The following NALF1 variants were observed in gnomAD, a reference collection of about 807,000 sequenced individuals.
The protein encoded by NALF1 is NALCN channel auxiliary factor 1.
NALF1 carries 3 observed loss-of-function variants against 48.4 expected under a neutral mutation model. The ratio of observed to expected loss-of-function variants is 0.06; its 90% CI spans 0.03 to 0.16. NALF1 has a LOEUF of 0.16. NALF1 is among the 10% of genes least tolerant of loss of function. The pLI is 1.00. For synonymous variants in NALF1, 262 were observed against 245.7 expected, an observed-to-expected ratio of 1.07 and a Z score of -0.62; for missense variants, 526 against 571.5, an observed-to-expected ratio of 0.92 and a Z score of 0.81.
intron 1 of NALF1, among the ~76,000 whole-genome samples, chr13:107,526,660 G>C (rs1488526554): frequency 6.6e-6 from 1 of 152,100 alleles, no homozygotes; most frequent in African/African-American, 2.4e-5. Flanking sequence ...CAATATAATT[G>C]ATATGATTTA....
intron 1 of NALF1, among the ~76,000 whole-genome samples, chr13:107,825,590 TG>T (rs1879491534): frequency 6.6e-6 from 1 of 152,128 alleles, no homozygotes; most frequent in Non-Finnish European, 1.5e-5. Context: ...ATAATAAAAG[TG>T]GGGAAGATAT....
intron 1 of NALF1, among the ~76,000 whole-genome samples, chr13:107,815,505 T>C (rs57951203): frequency 0.085 from 12,970 of 152,124 alleles, 846 homozygotes; most frequent in East Asian, 0.39. Flanking sequence ...AAAAGACAGA[T>C]AATAACAAGT....
intron 1 of NALF1, among the ~76,000 whole-genome samples, chr13:107,716,299 T>A (rs1296085003): frequency 6.6e-6 from 1 of 152,198 alleles, no homozygotes; most frequent in Non-Finnish European, 1.5e-5. Flanking sequence ...CTCCCTGATT[T>A]CAGACAGGTG....
chr13:107,467,768 C>T (rs561743714), intron 1 of NALF1, among the ~76,000 whole-genome samples: 6 of 152,196 alleles, frequency 3.9e-5, no homozygotes, highest in South Asian at 2.1e-4. Flanking sequence ...TGGCCGGGTG[C>T]GGTGGCCCAC....
intron 1 of NALF1, among the ~76,000 whole-genome samples, chr13:107,535,309 C>T (rs1876767694): frequency 1.3e-5 from 2 of 152,042 alleles, no homozygotes; most frequent in Admixed American, 6.6e-5. Context: ...ATGATATTGG[C>T]TGTGGGTTTG....
chr13:107,555,593 C>T (rs1297182945), intron 1 of NALF1, among the ~76,000 whole-genome samples: 1 of 151,702 alleles, frequency 6.6e-6, no homozygotes, highest in Non-Finnish European at 1.5e-5. Flanking sequence ...CCACGCCCAG[C>T]CAGATGTTTG....
intron 1 of NALF1, among the ~76,000 whole-genome samples, chr13:107,270,044 A>G (rs1304854358): frequency 6.7e-6 from 1 of 148,720 alleles, no homozygotes; most frequent in African/African-American, 2.5e-5. Flanking sequence ...TGCTGGGATT[A>G]CAGGCGTGAG....
chr13:107,313,074 T>A (rs1317314453), intron 1 of NALF1, among the ~76,000 whole-genome samples: 1 of 152,006 alleles, frequency 6.6e-6, no homozygotes, highest in Admixed American at 6.6e-5. Context: ...TGGAAGTTTT[T>A]AAAAAACAGA....
At chr13:107,460,177 A>C (rs538922107) in intron 1 of NALF1, among the ~76,000 whole-genome samples, 1 of 152,344 alleles carries the variant, frequency 6.6e-6, no homozygotes, top group East Asian at 1.9e-4. Flanking sequence ...AACCTCAAAG[A>C]AGCAAGAGTG....
intron 2 of NALF1, among the ~76,000 whole-genome samples, chr13:107,174,985 G>A (rs867557446): frequency 4.7e-5 from 7 of 148,174 alleles, no homozygotes; most frequent in African/African-American, 1.3e-4. Context: ...CCGGGTTCAC[G>A]CCATTCTCCT....
intron 1 of NALF1, among the ~76,000 whole-genome samples, chr13:107,449,958 T>A (rs891065272): frequency 1.3e-5 from 2 of 152,172 alleles, no homozygotes; most frequent in Admixed American, 1.3e-4. Context: ...GCTAGGGTAC[T>A]CTGGCCAGAG....
chr13:107,842,594 G>C (rs900763498), intron 1 of NALF1, among the ~76,000 whole-genome samples: 1 of 151,096 alleles, frequency 6.6e-6, no homozygotes, highest in Non-Finnish European at 1.5e-5. Flanking sequence ...CCTTATAAAA[G>C]AGTTTTATAT....
intron 1 of NALF1, among the ~76,000 whole-genome samples, chr13:107,431,156 C>G (rs1037261676): frequency 5.3e-5 from 8 of 152,084 alleles, no homozygotes; most frequent in African/African-American, 1.9e-4. Context: ...AAACACAGTT[C>G]TGTCTGACTC....
At chr13:107,484,368 A>G (rs9514690) in intron 1 of NALF1, among the ~76,000 whole-genome samples, 88,082 of 152,024 alleles carry the variant, frequency 0.58, 29,252 homozygotes, top group Middle Eastern at 0.77. Context: ...TTCAATCATG[A>G]GAACATATTA....
intron 1 of NALF1, among the ~76,000 whole-genome samples, chr13:107,237,405 C>A (rs1880375607): frequency 6.6e-6 from 1 of 152,042 alleles, no homozygotes; most frequent in African/African-American, 2.4e-5. Context: ...CACTTATAAC[C>A]CAAAAACGTA....
chr13:107,523,417 A>C (rs1173260896), intron 1 of NALF1, among the ~76,000 whole-genome samples: 2 of 152,084 alleles, frequency 1.3e-5, no homozygotes, highest in Admixed American at 1.3e-4. Context: ...ACATGTGCAC[A>C]ACGTGCAGGT....
intron 1 of NALF1, among the ~76,000 whole-genome samples, chr13:107,372,371 G>A (rs1883262505): frequency 2.0e-5 from 3 of 152,184 alleles, no homozygotes; most frequent in Admixed American, 1.3e-4. Flanking sequence ...TGGGACAAAT[G>A]ACATGCCAGC....
chr13:107,440,790 G>A (rs1297764257), intron 1 of NALF1, among the ~76,000 whole-genome samples: 2 of 152,084 alleles, frequency 1.3e-5, no homozygotes, highest in East Asian at 3.9e-4. Context: ...CTGTCATCAG[G>A]CTGAACCTGT....
chr13:107,448,982 G>T (rs1279019057), intron 1 of NALF1, among the ~76,000 whole-genome samples: 1 of 152,174 alleles, frequency 6.6e-6, no homozygotes, highest in African/African-American at 2.4e-5. Flanking sequence ...AGTGGCTCAT[G>T]TCTGTAATCC....
Sources: allele counts gnomAD v4.1 joint callset (sites outside exome capture counted in the v4.1 genomes callset), GRCh38; gene constraint gnomAD v4.1.1; transcripts MANE v1.5; gene names NCBI Gene and HGNC (gene_info 2026-07-23, HGNC 2026-07-21).